The following COLEC12 variants were observed in gnomAD, a reference collection of about 807,000 sequenced individuals.
COLEC12 encodes the protein collectin subfamily member 12.
COLEC12 carries 33 observed loss-of-function variants against 71.1 expected under a neutral mutation model. That is an observed-to-expected ratio of 0.46 (90% CI 0.35 to 0.62). The LOEUF (loss-of-function observed/expected upper bound fraction) is 0.62. COLEC12 is among the 20% of genes least tolerant of loss of function. COLEC12 has a pLI of 0.00. For synonymous variants in COLEC12, 350 were observed against 353.0 expected (o/e 0.99, Z 0.10); for missense variants, 765 against 916.1 (o/e 0.84, Z 2.13).
At chr18:342,191 G>A (rs1328394415) in intron 5 of COLEC12, among the ~76,000 whole-genome samples, 5 of 152,128 alleles carry the variant, frequency 3.3e-5, no homozygotes, top group Non-Finnish European at 7.3e-5. Flanking sequence ...CCAAGTAGCT[G>A]GGATTACGGG....
At chr18:363,088 T>G (rs1663503767) in intron 2 of COLEC12, among the ~76,000 whole-genome samples, 1 of 152,034 alleles carries the variant, frequency 6.6e-6, no homozygotes, top group Non-Finnish European at 1.5e-5. Context: ...GGGGAATAAT[T>G]GAAACGCTCC....
At chr18:373,204 G>A (rs1915039158) in intron 2 of COLEC12, among the ~76,000 whole-genome samples, 1 of 152,162 alleles carries the variant, frequency 6.6e-6, no homozygotes. Flanking sequence ...TCTTATTGCT[G>A]ATTTTGTATT....
intron 3 of COLEC12, among the ~76,000 whole-genome samples, chr18:350,260 TG>T (rs1914481594): frequency 6.6e-6 from 1 of 152,186 alleles, no homozygotes; most frequent in Admixed American, 6.5e-5. Context: ...CGAGATCTGA[TG>T]GGTTTCCACT....
At chr18:416,551 T>A (rs1043592425) in intron 2 of COLEC12, among the ~76,000 whole-genome samples, 1 of 152,140 alleles carries the variant, frequency 6.6e-6, no homozygotes, top group Non-Finnish European at 1.5e-5. Flanking sequence ...CTTCTGTGCC[T>A]CCTCTCTGGT....
chr18:330,019 A>C (rs1913936405), intron 8 of COLEC12, among the ~76,000 whole-genome samples: 1 of 152,152 alleles, frequency 6.6e-6, no homozygotes, highest in Non-Finnish European at 1.5e-5. Flanking sequence ...AAGAGGCTGC[A>C]GTGAGCCATG....
chr18:444,943 T>C (rs1916617189), intron 2 of COLEC12, among the ~76,000 whole-genome samples: 1 of 152,198 alleles, frequency 6.6e-6, no homozygotes, highest in African/African-American at 2.4e-5. Flanking sequence ...TTTTTTACGT[T>C]TCATGTTTTA....
chr18:378,742 C>A (rs1187349970), intron 2 of COLEC12, among the ~76,000 whole-genome samples: 1 of 152,154 alleles, frequency 6.6e-6, no homozygotes, highest in African/African-American at 2.4e-5. Flanking sequence ...TTTCAAGACC[C>A]TTCTTCTCTA....
chr18:394,811 T>C (rs1239586579), intron 2 of COLEC12, among the ~76,000 whole-genome samples: 1 of 152,204 alleles, frequency 6.6e-6, no homozygotes, highest in Non-Finnish European at 1.5e-5. Flanking sequence ...CATGACACCA[T>C]GCCAGCTGCC....
At chr18:367,763 C>A (rs1652902548) in intron 2 of COLEC12, among the ~76,000 whole-genome samples, 2 of 152,182 alleles carry the variant, frequency 1.3e-5, no homozygotes, top group African/African-American at 4.8e-5. Flanking sequence ...GGAATGACGA[C>A]CATCCCTGTC....
chr18:343,629 C>G (rs1210160208), intron 5 of COLEC12, among the ~76,000 whole-genome samples: 2 of 152,180 alleles, frequency 1.3e-5, no homozygotes, highest in South Asian at 2.1e-4. Context: ...CTTCTAGGCT[C>G]TCTCTGGGGT....
chr18:423,004 C>T (rs567417416), intron 2 of COLEC12, among the ~76,000 whole-genome samples: 1 of 152,364 alleles, frequency 6.6e-6, no homozygotes, highest in South Asian at 2.1e-4. Context: ...GGTACAGTGG[C>T]TTACGCCTGT....
At chr18:359,144 C>T (rs1399034440) in intron 2 of COLEC12, among the ~76,000 whole-genome samples, 1 of 152,170 alleles carries the variant, frequency 6.6e-6, no homozygotes, top group Admixed American at 6.5e-5. Flanking sequence ...CAGTGGCATG[C>T]TGAAGTTGGT....
rs1915836812 is a variant in COLEC12, at chr18:408,832, A to ATTTTTAT, written c.59-51317_59-51311dup. On this transcript the variant is annotated intron_variant, in intron 2 of 9. Transcript: ENST00000400256. This position sits in a 1 kb window ranked among gnomAD's most constrained non-coding sequence, Gnocchi z 4.3. ...GTGTACCATACTTATTTAATTTTTA[A>ATTTTTAT]TTTTTATTTTTTATTTTTTTGAGAT... Among the ~76,000 whole-genome samples the ATTTTTAT allele has an allele frequency of 6.6e-6, 1 of 151,952 alleles. No homozygotes were observed. The highest frequency in any genetic ancestry group is 1.9e-4 in the East Asian group (1 of 5,192).
At position 346,223 on chromosome 18, in the gene COLEC12, C is replaced by A; in HGVS notation, c.1327+72G>T. 2 of 1,185,684 alleles carry A rather than the reference C, an allele frequency of 1.7e-6. No homozygotes were observed. The highest frequency in any genetic ancestry group is 2.2e-5 in the Admixed American group (1 of 44,840). The allele number at this position is 1,185,684 out of a possible 1,614,324, so 73.4% of individuals were successfully genotyped here. A position where few individuals can be genotyped will look rare whatever the true frequency, so the allele number is the denominator to read the frequency against. On this transcript the variant is annotated intron_variant, in intron 5 of 9. Transcript: ENST00000400256. The surrounding 1 kb of genome is among the most constrained non-coding windows in gnomAD (Gnocchi z 4.0). ...GATGAATATTTATTGTTTTAAATTG[C>A]CAAGTTTTAGAGTAACTTGTTATGC...
At chr18:474,130 G>A (rs1246968699) in intron 2 of COLEC12, among the ~76,000 whole-genome samples, 1 of 152,212 alleles carries the variant, frequency 6.6e-6, no homozygotes, top group Non-Finnish European at 1.5e-5. Flanking sequence ...TGGGATGCTG[G>A]AGTATGGCCG....
chr18:351,006 A>C (rs1305273999), intron 3 of COLEC12, among the ~76,000 whole-genome samples: 1 of 151,742 alleles, frequency 6.6e-6, no homozygotes, highest in Non-Finnish European at 1.5e-5. Flanking sequence ...CATGCTTTAT[A>C]TATCAATTAT....
intron 2 of COLEC12, among the ~76,000 whole-genome samples, chr18:455,233 A>G (rs928492077): frequency 3.3e-5 from 5 of 151,950 alleles, no homozygotes; most frequent in Non-Finnish European, 5.9e-5. Context: ...TGTGGTAAAA[A>G]CAGCACAGCA....
intron 2 of COLEC12, among the ~76,000 whole-genome samples, chr18:465,439 T>G (rs1023789495): frequency 6.6e-6 from 1 of 151,584 alleles, no homozygotes; most frequent in Non-Finnish European, 1.5e-5. Flanking sequence ...ACATTCTCCT[T>G]TCTGAGTTTC....
intron 2 of COLEC12, among the ~76,000 whole-genome samples, chr18:380,522 C>G (rs1401454591): frequency 6.6e-6 from 1 of 152,018 alleles, no homozygotes; most frequent in Non-Finnish European, 1.5e-5. Flanking sequence ...ACAGGAAGTA[C>G]CCCAAATTTG....
Sources: allele counts gnomAD v4.1 joint callset (sites outside exome capture counted in the v4.1 genomes callset), GRCh38; gene constraint gnomAD v4.1.1; non-coding constraint Gnocchi (gnomAD v3.1); transcripts MANE v1.5; gene names NCBI Gene and HGNC (gene_info 2026-07-23, HGNC 2026-07-21).